SOS1: variants seen among roughly 807,000 people sequenced by gnomAD.
SOS1 encodes son of sevenless homolog 1.
In SOS1, 25 loss-of-function variants were observed where a neutral mutation model predicts 157.6. The ratio of observed to expected loss-of-function variants is 0.16; its 90% CI spans 0.12 to 0.22. SOS1 has a LOEUF of 0.22. Among genes scored for constraint, SOS1 ranks in the 10% least tolerant of loss-of-function variants. SOS1 has a pLI of 1.00. For synonymous variants in SOS1, 528 were observed against 534.0 expected, an observed-to-expected ratio of 0.99 and a Z score of 0.16; for missense variants, 1,237 against 1,599.1, an observed-to-expected ratio of 0.77 and a Z score of 3.86.
At chr2:39,089,593 C>T (rs1038153655) in intron 1 of SOS1, among the ~76,000 whole-genome samples, 3 of 149,744 alleles carry the variant, frequency 2.0e-5, no homozygotes, top group African/African-American at 4.9e-5. Context: ...CAATGACCAA[C>T]GCTGCAACAA....
intron 6 of SOS1, among the ~76,000 whole-genome samples, chr2:39,039,604 T>G (rs1368786595): frequency 5.9e-5 from 9 of 152,248 alleles, no homozygotes; most frequent in Admixed American, 5.9e-4. Context: ...ATTAATAGCT[T>G]TTGACCATTT....
At chr2:39,089,972 C>CAA (rs35640140) in intron 1 of SOS1, among the ~76,000 whole-genome samples, 11 of 125,364 alleles carry the variant, frequency 8.8e-5, no homozygotes, top group African/African-American at 3.4e-4. Flanking sequence ...ACTAAAAATA[C>CAA]AAAAAAAAAA....
rs148268181 is a variant in SOS1 at position 39,107,195 on chromosome 2, T to C, written c.87+13141A>G. The stretch of plus-strand genomic sequence containing the variant: ...AATTCATAGCCAGAGATGACCCTAA[T>C]TGATCATGAGAACGAGCCTCTCAGA... On this transcript the variant is annotated intron_variant, in intron 1 of 22. Coordinates refer to ENST00000402219, the MANE Select transcript of SOS1 (RefSeq NM_005633.4). 9.3e-4 allele frequency among the ~76,000 whole-genome samples: 141 copies of C among 152,246 alleles called. 1 individual carries two copies. The South Asian group carries it at 0.018, about 20-fold the overall frequency.
chr2:39,091,955 G>A (rs990337471), intron 1 of SOS1, among the ~76,000 whole-genome samples: 1 of 152,114 alleles, frequency 6.6e-6, no homozygotes, highest in Non-Finnish European at 1.5e-5. Flanking sequence ...AGTTCATACT[G>A]CCATCACCTC....
intron 9 of SOS1, among the ~76,000 whole-genome samples, chr2:39,023,531 T>A (rs1669864553): frequency 6.6e-6 from 1 of 151,982 alleles, no homozygotes; most frequent in African/African-American, 2.4e-5. Flanking sequence ...AGTAGCCCAA[T>A]ACAGTAAAAA....
Position 38,987,560 on chromosome 2 carries a change from G to T in SOS1, c.3423C>A (p.Thr1141=). The T allele has an allele frequency of 6.3e-7, 1 of 1,593,276 alleles. No homozygotes were observed. The highest frequency in any genetic ancestry group is 1.1e-5 in the South Asian group (1 of 89,930). Residue 1141 remains threonine (T), a synonymous_variant, in exon 22 of 23, where the codon ACC becomes ACA. Transcript: ENST00000402219. ...GGACAGGCACTTCATCAGTGCCTTT[G>T]GTTAAACTTATAGATGATACAGAAG... ...RSASVSSISL[T]KGTDEVPVPP... is the part of the protein sequence containing the mutation.
chr2:39,043,594 A>G (rs1670650371), intron 6 of SOS1, among the ~76,000 whole-genome samples: 1 of 152,216 alleles, frequency 6.6e-6, no homozygotes, highest in Non-Finnish European at 1.5e-5. Context: ...AAATTTATTT[A>G]CCACAGCTTT....
chr2:39,087,812 G>C (rs1452675332), intron 1 of SOS1, among the ~76,000 whole-genome samples: 1 of 152,034 alleles, frequency 6.6e-6, no homozygotes. Context: ...TAGCGTAACT[G>C]GGACTACAGG....
intron 4 of SOS1, 50 bp downstream of exon 4, chr2:39,056,651 TA>T (rs1488300349): frequency 1.7e-6 from 2 of 1,158,596 alleles, no homozygotes; most frequent in East Asian, 4.7e-5. Flanking sequence ...TAGCATCTAA[TA>T]AGTCATAAAA....
intron 1 of SOS1, among the ~76,000 whole-genome samples, chr2:39,077,460 T>C (rs1672049798): frequency 6.6e-6 from 1 of 152,200 alleles, no homozygotes; most frequent in Non-Finnish European, 1.5e-5. Flanking sequence ...CTAAACATTA[T>C]AATTCCTATT....
At chr2:39,089,747 G>C (rs1418402730) in intron 1 of SOS1, among the ~76,000 whole-genome samples, 1 of 151,912 alleles carries the variant, frequency 6.6e-6, no homozygotes, top group East Asian at 1.9e-4. Flanking sequence ...TACTAGTATA[G>C]TCAATCAACT....
At chr2:38,995,959 C>T (rs1291516495) in intron 19 of SOS1, among the ~76,000 whole-genome samples, 1 of 152,120 alleles carries the variant, frequency 6.6e-6, no homozygotes, top group South Asian at 2.1e-4. Context: ...ATTTTTAATC[C>T]ATCTTATTAA....
At chr2:39,115,225 AT>A (rs1289347919) in intron 1 of SOS1, among the ~76,000 whole-genome samples, 1 of 152,144 alleles carries the variant, frequency 6.6e-6, no homozygotes, top group African/African-American at 2.4e-5. Context: ...CACAATCAAG[AT>A]AAGTAAACAT....
At position 38,987,490 on chromosome 2, in the gene SOS1, C is replaced by G. The variant is rs200718029; in HGVS notation, c.3493G>C (p.Glu1165Gln). ...PRRRPESAPAESSPSKIMSKH... is the reference protein window; with the variant it reads ...PRRRPESAPAQSSPSKIMSKH... ...TACTTTACCTTAGATGGTGAAGATT[C>G]TGCTGGGGCAGATTCTGGTCGTCTT... is the stretch of plus-strand genomic sequence containing the variant. Residue 1165 changes from glutamate to glutamine, a missense_variant, in exon 22 of 23, where the codon GAA becomes CAA. Around this residue, in one of 15 missense-constraint regions of SOS1, gnomAD observed 306 missense variants for 322.6 expected, o/e 0.95. Transcript: ENST00000402219. 14 of 1,576,218 alleles carry G rather than the reference C, an allele frequency of 8.9e-6. No individual in the cohort carries two copies. The highest frequency in any genetic ancestry group is 1.7e-4 in the Middle Eastern group (1 of 5,994).
intron 1 of SOS1, among the ~76,000 whole-genome samples, chr2:39,109,890 A>C (rs1191065193): frequency 1.3e-5 from 2 of 152,344 alleles, no homozygotes; most frequent in South Asian, 4.1e-4. Context: ...AGAAATACTA[A>C]AACATAGCTT....
intron 10 of SOS1, among the ~76,000 whole-genome samples, chr2:39,019,953 C>G (rs1024748841): frequency 6.6e-6 from 1 of 151,380 alleles, no homozygotes; most frequent in Non-Finnish European, 1.5e-5. Context: ...TTTTTTTGAG[C>G]TCACATCTGT....
chr2:39,071,817 C>T (rs768965616), intron 1 of SOS1, among the ~76,000 whole-genome samples: 5 of 151,974 alleles, frequency 3.3e-5, no homozygotes, highest in Non-Finnish European at 7.4e-5. Context: ...CTGAACTATT[C>T]GCAGTTTGCT....
intron 1 of SOS1, among the ~76,000 whole-genome samples, chr2:39,082,983 A>C (rs761096031): frequency 6.6e-5 from 10 of 152,176 alleles, no homozygotes; most frequent in Non-Finnish European, 1.3e-4. Context: ...GGAGCTGGCA[A>C]ACTCCAGTTG....
chr2:39,013,466 C>T lies in SOS1; in HGVS notation c.2161G>A (p.Val721Ile), dbSNP rs771185398. 3.8e-6 allele frequency: 6 copies of T among 1,592,242 alleles called. No homozygotes were observed. In the South Asian group the frequency reaches 4.4e-5, roughly 12 times the overall value. The change falls in exon 13 of 23, where the codon GTA (valine) becomes ATA (isoleucine). Residue 721 changes from valine to isoleucine, a missense_variant. Val to Ile is a conservative substitution (Grantham distance 29, BLOSUM62 3). This residue lies in a region of SOS1 where 42 missense variants were observed against 80.4 expected (regional missense o/e 0.52). Transcript: ENST00000402219. The stretch of plus-strand genomic sequence containing the variant: ...CCTAAAAAAAAAAACATACCTCTTA[C>T]TGTTCCAATAAATTCTTCCATTCGT... ...LQRMEEFIGT[V>I]RGKAMKKWVE...
Sources: allele counts gnomAD v4.1 joint callset (sites outside exome capture counted in the v4.1 genomes callset), GRCh38; gene constraint gnomAD v4.1.1; regional missense constraint gnomAD v4.1.1; transcripts MANE v1.5; gene names NCBI Gene and HGNC (gene_info 2026-07-23, HGNC 2026-07-21).